PTCHD4: variants seen among roughly 807,000 people sequenced by gnomAD.
The protein encoded by PTCHD4 is patched domain-containing protein 4.
In PTCHD4, 33 loss-of-function variants were observed where a neutral mutation model predicts 58.1. That is an observed-to-expected ratio of 0.57 (90% CI 0.43 to 0.76). The LOEUF is 0.76. Among genes scored for constraint, PTCHD4 ranks in the 30% least tolerant of loss-of-function variants. The pLI, the probability that PTCHD4 is intolerant of heterozygous loss-of-function variation, is 0.00. For synonymous variants in PTCHD4, 478 were observed against 409.6 expected (o/e 1.17, Z -2.02); for missense variants, 1,058 against 1,027.1 (o/e 1.03, Z -0.41).
At chr6:47,947,246 T>G (rs541098425) in intron 4 of PTCHD4, among the ~76,000 whole-genome samples, 1 of 152,136 alleles carries the variant, frequency 6.6e-6, no homozygotes, top group East Asian at 1.9e-4. Context: ...GTAAAGAAAA[T>G]TTTATATTGA....
At chr6:47,898,713 T>C (rs1208340100) in intron 4 of PTCHD4, among the ~76,000 whole-genome samples, 1 of 152,212 alleles carries the variant, frequency 6.6e-6, no homozygotes, top group Non-Finnish European at 1.5e-5. Context: ...AGACGACTTC[T>C]ATTTAAAGGC....
intron 3 of PTCHD4, among the ~76,000 whole-genome samples, chr6:48,015,025 C>T (rs1226407360): frequency 1.3e-5 from 2 of 152,156 alleles, no homozygotes; most frequent in African/African-American, 4.8e-5. Flanking sequence ...GACTCATACT[C>T]GTATACTGAT....
intron 4 of PTCHD4, among the ~76,000 whole-genome samples, chr6:47,940,869 A>C (rs1292861214): frequency 1.3e-5 from 2 of 152,208 alleles, no homozygotes; most frequent in African/African-American, 4.8e-5. Context: ...AGTCAAATCA[A>C]TATTAAAATG....
At chr6:47,893,906 T>G (rs1369383313) in intron 4 of PTCHD4, among the ~76,000 whole-genome samples, 2 of 152,250 alleles carry the variant, frequency 1.3e-5, no homozygotes, top group African/African-American at 4.8e-5. Flanking sequence ...GTTAATTGGA[T>G]TAAACTAATT....
intron 3 of PTCHD4, among the ~76,000 whole-genome samples, chr6:48,067,130 G>A (rs539330496): frequency 6.6e-6 from 1 of 152,300 alleles, no homozygotes; most frequent in South Asian, 2.1e-4. Context: ...ACAGGGTCAA[G>A]CAGACAAATG....
rs1168425551 is a variant in PTCHD4 at position 48,085,165 on chromosome 6, T to C, written c.-969-15239A>G. ...GATGGTATGGTTCAATAGCACACAA[T>C]GGATTCAAATATTTTCTGCAAAGTA... On this transcript the variant is annotated intron_variant, in intron 1 of 4. Coordinates refer to ENST00000339488, the MANE Select transcript of PTCHD4 (RefSeq NM_001384253.1). Among the ~76,000 whole-genome samples, 4 of 152,102 alleles carry C rather than the reference T, an allele frequency of 2.6e-5. No homozygotes were observed. In the South Asian group the frequency reaches 6.2e-4, roughly 24 times the overall value.
intron 4 of PTCHD4, among the ~76,000 whole-genome samples, chr6:47,955,888 C>T (rs1213047270): frequency 6.6e-6 from 1 of 152,056 alleles, no homozygotes; most frequent in Non-Finnish European, 1.5e-5. Flanking sequence ...TTTCCAAGTC[C>T]CATGGTATAG....
chr6:47,936,556 A>G (rs1416121242), intron 4 of PTCHD4, among the ~76,000 whole-genome samples: 2 of 152,194 alleles, frequency 1.3e-5, no homozygotes, highest in Non-Finnish European at 2.9e-5. Flanking sequence ...AGAATTTCAA[A>G]CCAGGTCTTT....
At chr6:48,096,789 T>C (rs1218704126) in intron 1 of PTCHD4, among the ~76,000 whole-genome samples, 2 of 152,096 alleles carry the variant, frequency 1.3e-5, no homozygotes, top group African/African-American at 4.8e-5. Flanking sequence ...AAGAATTCTT[T>C]TGCATTGAAG....
chr6:47,922,389 C>T (rs1471621697), intron 4 of PTCHD4, among the ~76,000 whole-genome samples: 1 of 152,182 alleles, frequency 6.6e-6, no homozygotes, highest in Non-Finnish European at 1.5e-5. Context: ...TCTCTCTTCA[C>T]CACCACCTTC....
intron 3 of PTCHD4, among the ~76,000 whole-genome samples, chr6:48,066,995 G>C (rs1764821662): frequency 6.6e-6 from 1 of 151,826 alleles, no homozygotes; most frequent in Non-Finnish European, 1.5e-5. Flanking sequence ...ATTGAAACTG[G>C]GGTCCTTTCT....
chr6:47,948,971 T>A (rs998561001), intron 4 of PTCHD4, among the ~76,000 whole-genome samples: 2 of 152,206 alleles, frequency 1.3e-5, no homozygotes, highest in Non-Finnish European at 2.9e-5. Context: ...TAGTAAACTG[T>A]CAAAGCAAGT....
rs140874667 is a variant in PTCHD4, at chr6:47,871,562, G to T, written c.*6741C>A. On this transcript the variant is annotated 3_prime_UTR_variant, in exon 5 of 5. Transcript: ENST00000339488. ...AAGATTTCATATTAATGAATATTAT[G>T]TTAACCAGAATGTATAAGTGGGACT... is the stretch of plus-strand genomic sequence containing the variant. Among the ~76,000 whole-genome samples the T allele has an allele frequency of 2.8e-3, 420 of 151,722 alleles. 3 individuals are homozygous for T. The highest frequency in any genetic ancestry group is 8.2e-3 in the African/African-American group (339 of 41,508).
At chr6:47,982,082 C>T (rs571662721) in intron 4 of PTCHD4, among the ~76,000 whole-genome samples, 2 of 152,288 alleles carry the variant, frequency 1.3e-5, no homozygotes, top group South Asian at 2.1e-4. Flanking sequence ...TATCTCCAGC[C>T]TGACATAAAT....
intron 4 of PTCHD4, among the ~76,000 whole-genome samples, chr6:48,007,104 G>T (rs773552787): frequency 1.3e-5 from 2 of 152,122 alleles, no homozygotes; most frequent in African/African-American, 4.8e-5. Flanking sequence ...GCCAGGAGTG[G>T]TAGCCAGCAC....
At chr6:48,091,702 A>G (rs916048329) in intron 1 of PTCHD4, among the ~76,000 whole-genome samples, 22 of 124,444 alleles carry the variant, frequency 1.8e-4, no homozygotes, top group African/African-American at 6.7e-4. Flanking sequence ...GATGGAGTGT[A>G]GTGGCACAAT....
intron 4 of PTCHD4, among the ~76,000 whole-genome samples, chr6:47,963,201 C>A (rs572157255): frequency 6.6e-6 from 1 of 150,678 alleles, no homozygotes; most frequent in African/African-American, 2.4e-5. Context: ...AATAGACATT[C>A]CTAAAAGAAT....
intron 4 of PTCHD4, among the ~76,000 whole-genome samples, chr6:47,922,683 T>G (rs775850168): frequency 3.9e-5 from 6 of 152,232 alleles, no homozygotes; most frequent in South Asian, 2.1e-4. Context: ...TCTTTGTGCA[T>G]GTTCACAGCT....
intron 4 of PTCHD4, among the ~76,000 whole-genome samples, chr6:47,980,087 A>T (rs538472934): frequency 6.6e-6 from 1 of 152,240 alleles, no homozygotes; most frequent in African/African-American, 2.4e-5. Context: ...GTTTATATTC[A>T]ATTTATTTCA....
Sources: allele counts gnomAD v4.1 joint callset (sites outside exome capture counted in the v4.1 genomes callset), GRCh38; gene constraint gnomAD v4.1.1; transcripts MANE v1.5; gene names NCBI Gene and HGNC (gene_info 2026-07-23, HGNC 2026-07-21).